Variants in KCNJ3 observed in about 807,000 individuals in gnomAD.
KCNJ3 encodes G protein-activated inward rectifier potassium channel 1.
A neutral mutation model predicts 39.2 loss-of-function variants in KCNJ3; 4 were observed. The ratio of observed to expected loss-of-function variants is 0.10; its 90% CI spans 0.05 to 0.23. The LOEUF (loss-of-function observed/expected upper bound fraction) is 0.23. Ranked by LOEUF, KCNJ3 falls within the 10% of genes least tolerant of loss-of-function variation. The pLI is 1.00. For synonymous variants in KCNJ3, 230 were observed against 237.4 expected (o/e 0.97, Z 0.29); for missense variants, 276 against 634.9 (o/e 0.43, Z 6.08).
At chr2:154,745,791 CT>C (rs1200038644) in intron 2 of KCNJ3, among the ~76,000 whole-genome samples, 6 of 152,096 alleles carry the variant, frequency 3.9e-5, no homozygotes, top group Non-Finnish European at 8.8e-5. Context: ...TCTAAATTTT[CT>C]GGTTTAGCTG....
chr2:154,799,462 T>A (rs1031168443), intron 2 of KCNJ3, among the ~76,000 whole-genome samples: 1 of 152,094 alleles, frequency 6.6e-6, no homozygotes, highest in African/African-American at 2.4e-5. Flanking sequence ...GATAGAATGC[T>A]GAGGAAGGAG....
In KCNJ3 at chr2:154,823,840, G is replaced by A. The variant is rs1341694519; in HGVS notation, c.920-30887G>A. Among the ~76,000 whole-genome samples, 3 of 152,032 alleles carry A rather than the reference G, an allele frequency of 2.0e-5. No homozygotes were observed. In the East Asian group the frequency reaches 5.8e-4, roughly 29 times the overall value. ...ACTGTGATGTCCATGGAGTCAGGGG[G>A]TTTGTGTCATTTATTCGTCTTTGAT... On this transcript the variant is annotated intron_variant, in intron 2 of 2. Coordinates refer to ENST00000295101, the MANE Select transcript of KCNJ3 (RefSeq NM_002239.4).
intron 2 of KCNJ3, among the ~76,000 whole-genome samples, chr2:154,847,878 C>T (rs914907715): frequency 3.3e-5 from 5 of 152,090 alleles, no homozygotes; most frequent in African/African-American, 7.2e-5. Context: ...GGCATTAAAA[C>T]CGATGCTTTA....
chr2:154,817,677 A>G (rs1205152791), intron 2 of KCNJ3, among the ~76,000 whole-genome samples: 1 of 152,124 alleles, frequency 6.6e-6, no homozygotes, highest in East Asian at 1.9e-4. Context: ...GTCAACTGAA[A>G]TGATTTGGTC....
intron 2 of KCNJ3, among the ~76,000 whole-genome samples, chr2:154,801,834 CCA>C (rs1686824613): frequency 6.6e-6 from 1 of 151,964 alleles, no homozygotes; most frequent in Admixed American, 6.6e-5. Context: ...GACATATTGC[CCA>C]AGCTGGTCTC....
intron 2 of KCNJ3, among the ~76,000 whole-genome samples, chr2:154,759,179 T>C (rs1369365666): frequency 6.6e-6 from 1 of 152,160 alleles, no homozygotes; most frequent in African/African-American, 2.4e-5. Flanking sequence ...CACAGGATTG[T>C]GTAGAATTGA....
intron 2 of KCNJ3, among the ~76,000 whole-genome samples, chr2:154,841,495 T>C (rs754810577): frequency 5.9e-5 from 9 of 152,222 alleles, no homozygotes; most frequent in Non-Finnish European, 1.3e-4. Context: ...TGGAATAGTT[T>C]CAAAAGGAAT....
intron 2 of KCNJ3, among the ~76,000 whole-genome samples, chr2:154,831,141 A>G (rs912314972): frequency 6.6e-5 from 10 of 152,182 alleles, no homozygotes; most frequent in Non-Finnish European, 1.5e-4. Flanking sequence ...GGACAGTCAA[A>G]GTGATCTCTG....
intron 2 of KCNJ3, among the ~76,000 whole-genome samples, chr2:154,757,920 T>C (rs2105186456): frequency 6.6e-6 from 1 of 152,272 alleles, no homozygotes; most frequent in African/African-American, 2.4e-5. Context: ...CCCCACCTCC[T>C]AATACAATCA....
chr2:154,785,184 G>A (rs1278197657), intron 2 of KCNJ3, among the ~76,000 whole-genome samples: 2 of 152,150 alleles, frequency 1.3e-5, no homozygotes, highest in African/African-American at 2.4e-5. Context: ...AAGATGTGTG[G>A]TAAAGTCATT....
intron 2 of KCNJ3, among the ~76,000 whole-genome samples, chr2:154,798,720 T>G (rs1686761374): frequency 6.6e-6 from 1 of 152,204 alleles, no homozygotes; most frequent in Non-Finnish European, 1.5e-5. Flanking sequence ...GATTATTACC[T>G]TAGCATAATG....
chr2:154,735,995 A>G (rs1424933766), intron 2 of KCNJ3, among the ~76,000 whole-genome samples: 2 of 152,126 alleles, frequency 1.3e-5, no homozygotes, highest in Non-Finnish European at 2.9e-5. Flanking sequence ...TTTTAGTTTT[A>G]AGTTATAATT....
At chr2:154,769,813 T>TCCATGTC (rs948660760) in intron 2 of KCNJ3, among the ~76,000 whole-genome samples, 1 of 152,158 alleles carries the variant, frequency 6.6e-6, no homozygotes, top group Admixed American at 6.5e-5. Context: ...GGACTCTATA[T>TCCATGTC]ACTATCCCAA....
chr2:154,806,093 T>G (rs1157115783), intron 2 of KCNJ3, among the ~76,000 whole-genome samples: 1 of 152,182 alleles, frequency 6.6e-6, no homozygotes, highest in East Asian at 1.9e-4. Context: ...TACAATTATC[T>G]CATTCAAAAT....
intron 2 of KCNJ3, among the ~76,000 whole-genome samples, chr2:154,851,797 T>C (rs1687760532): frequency 6.6e-6 from 1 of 152,326 alleles, no homozygotes; most frequent in East Asian, 1.9e-4. Flanking sequence ...CCACTGTAGA[T>C]GTCATAGCAC....
intron 2 of KCNJ3, among the ~76,000 whole-genome samples, chr2:154,735,239 A>G (rs927258312): frequency 3.4e-5 from 5 of 147,486 alleles, no homozygotes; most frequent in African/African-American, 1.0e-4. Flanking sequence ...GGGGCCCGCC[A>G]CCATGCCTGG....
chr2:154,829,697 C>T (rs1354493154), intron 2 of KCNJ3, among the ~76,000 whole-genome samples: 11 of 152,140 alleles, frequency 7.2e-5, no homozygotes, highest in Non-Finnish European at 1.5e-5. Context: ...TGAGGAATTG[C>T]CATGCTGATT....
In KCNJ3 at chr2:154,821,635, A is replaced by ATTT. The variant is rs71422263; in HGVS notation, c.920-33070_920-33068dup. 6.0e-3 allele frequency among the ~76,000 whole-genome samples: 528 copies of ATTT among 88,050 alleles called. 28 individuals carry two copies. Among genetic ancestry groups the ATTT allele is most frequent in the African/African-American group, 0.012 (283 of 23,444 alleles). The allele number at this position is 88,050 out of a possible 152,430, so 57.8% of individuals were successfully genotyped here. A position where few individuals can be genotyped will look rare whatever the true frequency, so the allele number is the denominator to read the frequency against. On this transcript the variant is annotated intron_variant, in intron 2 of 2. Transcript: ENST00000295101. ...CAAAAAAAGAAAAAGAGAATATGTG[A>ATTT]TTTTTTTTTTTTTTTTTTTTTTTTG...
chr2:154,847,402 A>C (rs759701106), intron 2 of KCNJ3, among the ~76,000 whole-genome samples: 1 of 152,210 alleles, frequency 6.6e-6, no homozygotes, highest in African/African-American at 2.4e-5. Context: ...AAACAGCTAT[A>C]GTCCTCATTT....
Sources: gnomAD v4.1 joint callset for allele counts (sites outside exome capture counted in the v4.1 genomes callset) on GRCh38, gnomAD v4.1.1 for gene constraint, MANE v1.5 for transcripts, NCBI Gene and HGNC (gene_info 2026-07-23, HGNC 2026-07-21) for gene names.